Variants in FHAD1 observed in about 807,000 individuals in gnomAD.
FHAD1 encodes forkhead-associated domain-containing protein 1.
In FHAD1, 146 loss-of-function variants were observed where a neutral mutation model predicts 191.3. That is an observed-to-expected ratio of 0.76 (90% confidence interval 0.67 to 0.88). FHAD1 has a LOEUF of 0.88. Ranked by LOEUF, FHAD1 falls within the 40% of genes least tolerant of loss-of-function variation. The pLI is 0.00. For synonymous variants in FHAD1, 616 were observed against 672.3 expected (o/e 0.92, Z 1.29); for missense variants, 1,635 against 1,785.8 (o/e 0.92, Z 1.52).
At chr1:15,328,627 G>A in intron 13 of FHAD1, 198 bp downstream of exon 13, 1 of 446,316 alleles carries the variant, frequency 2.2e-6, no homozygotes, top group Non-Finnish European at 3.9e-6. Flanking sequence ...GGAGAACTTG[G>A]CGTGTCCAAA....
At position 15,276,749 on chromosome 1, in the gene FHAD1, C is replaced by T. The variant is rs1262989277; in HGVS notation, c.300+4220C>T. Among the ~76,000 whole-genome samples the T allele has an allele frequency of 2.0e-5, 3 of 151,418 alleles. No homozygotes were observed. Among genetic ancestry groups the T allele is most frequent in the Non-Finnish European group, 2.9e-5 (2 of 67,934 alleles). On this transcript the variant is annotated intron_variant, in intron 3 of 33. Coordinates refer to ENST00000688493, the MANE Select transcript of FHAD1 (RefSeq NM_001391957.1). The surrounding 1 kb of genome is among the most constrained non-coding windows in gnomAD (Gnocchi z 4.7). ...CCCGGGAGGCAGAGGTTGCAATGAG[C>T]GAAGATCATGCCACAGCCTGGGCAA...
intron 2 of FHAD1, among the ~76,000 whole-genome samples, chr1:15,260,843 T>C (rs1030602235): frequency 1.3e-5 from 2 of 152,238 alleles, no homozygotes; most frequent in African/African-American, 4.8e-5. Context: ...AACCTCCCTG[T>C]TTCAAGATGA....
chr1:15,373,934 TG>T (rs2102878288), intron 26 of FHAD1, among the ~76,000 whole-genome samples: 1 of 152,326 alleles, frequency 6.6e-6, no homozygotes, highest in East Asian at 1.9e-4. Flanking sequence ...ATGGTCCATC[TG>T]GGTCTAGTGG....
rs1465404357 is a variant in FHAD1, at chr1:15,309,193, G to A, written c.1039+457G>A. On this transcript the variant is annotated intron_variant, in intron 7 of 33. Coordinates refer to ENST00000688493, the MANE Select transcript of FHAD1 (RefSeq NM_001391957.1). Reference sequence around the variant, plus strand: ...GGAGCGAAAGCATTTTGCTAATTGAGAGGTAGCTGGATACTCAAGAACTTG... The same window carrying A: ...GGAGCGAAAGCATTTTGCTAATTGAAAGGTAGCTGGATACTCAAGAACTTG... 2.0e-5 allele frequency among the ~76,000 whole-genome samples: 3 copies of A among 152,238 alleles called. No homozygotes were observed. The East Asian group carries it at 5.8e-4, about 29-fold the overall frequency.
chr1:15,383,716 A>C (rs1701445486), intron 31 of FHAD1: 1 of 303,452 alleles, frequency 3.3e-6, no homozygotes, highest in Admixed American at 4.2e-5. Context: ...TCTCCAGGCC[A>C]GGGACTGGGC....
At position 15,380,807 on chromosome 1, in the gene FHAD1, C is replaced by T. The variant is rs907824376; in HGVS notation, c.3801+11C>T. The T allele has an allele frequency of 6.5e-7, 1 of 1,546,728 alleles. No homozygotes were observed. The highest frequency in any genetic ancestry group is 8.7e-7 in the Non-Finnish European group (1 of 1,142,958). ...CTCAGTGAAAAGCTGGTATGTACAT[C>T]CAGCATCCACCCTGCTCCTATCCAA... On this transcript the variant is annotated intron_variant, in intron 29 of 33. Transcript: ENST00000688493.
intron 4 of FHAD1, among the ~76,000 whole-genome samples, chr1:15,293,697 G>T (rs572320694): frequency 1.3e-5 from 2 of 152,024 alleles, no homozygotes; most frequent in Admixed American, 1.3e-4. Flanking sequence ...CAGCCTGGGC[G>T]GACAGAGCAA....
chr1:15,294,158 A>G (rs913695823), intron 4 of FHAD1, among the ~76,000 whole-genome samples: 1 of 152,224 alleles, frequency 6.6e-6, no homozygotes, highest in African/African-American at 2.4e-5. Flanking sequence ...CCAGGCCTCC[A>G]GGTTGGCTCT....
At chr1:15,351,107 G>A (rs1260806523) in intron 19 of FHAD1, among the ~76,000 whole-genome samples, 3 of 152,226 alleles carry the variant, frequency 2.0e-5, no homozygotes, top group African/African-American at 7.2e-5. Flanking sequence ...CACTTTGGGA[G>A]GCCAAGGCAG....
chr1:15,341,867 G>A lies in FHAD1; in HGVS notation c.2109G>A (p.Arg703=). 1 of 1,551,582 alleles carries A rather than the reference G, an allele frequency of 6.4e-7. No individual in the cohort carries two copies. The highest frequency in any genetic ancestry group is 8.7e-7 in the Non-Finnish European group (1 of 1,146,914). Residue 703 remains arginine (R), a synonymous_variant, in exon 16 of 34, where the codon AGG becomes AGA. Coordinates refer to ENST00000688493, the MANE Select transcript of FHAD1 (RefSeq NM_001391957.1). ...AGGAGAAGCTCAAAGCCAAAATCAG[G>A]CAACTGACGGAAGAGAAGGCGGTAA... is the stretch of plus-strand genomic sequence containing the variant. ...EQEEKLKAKI[R]QLTEEKAALE...
At position 15,327,336 on chromosome 1, in the gene FHAD1, TC is replaced by T. The variant is rs1416181810; in HGVS notation, c.1557+197del. ...TTTTAAAGTAAAAGCCAGTTAAAAC[TC>T]CCTTGAAATGTGTCTGTGAAAATCA... On this transcript the variant is annotated intron_variant, in intron 12 of 33. Coordinates refer to ENST00000688493, the MANE Select transcript of FHAD1 (RefSeq NM_001391957.1). The surrounding 1 kb of genome is among the most constrained non-coding windows in gnomAD (Gnocchi z 5.1). 2 of 541,548 alleles carry T rather than the reference TC, an allele frequency of 3.7e-6. No homozygotes were observed. The highest frequency in any genetic ancestry group is 6.6e-6 in the Non-Finnish European group (2 of 303,386). 33.5% of individuals were successfully genotyped at this position (541,548 alleles called of 1,614,324 possible).
At chr1:15,332,890 G>A (rs1247153322) in intron 14 of FHAD1, among the ~76,000 whole-genome samples, 1 of 152,130 alleles carries the variant, frequency 6.6e-6, no homozygotes, top group Admixed American at 6.5e-5. Flanking sequence ...TCCCTCCCTT[G>A]TTAACACGCA....
chr1:15,333,253 A>G (rs1682472725), intron 14 of FHAD1, among the ~76,000 whole-genome samples: 2 of 152,174 alleles, frequency 1.3e-5, no homozygotes, highest in African/African-American at 4.8e-5. Context: ...CGTATGCCCC[A>G]TATTCTCTAC....
chr1:15,345,562 G>A (rs576789783), intron 18 of FHAD1, 39 bp downstream of exon 18: 1 of 1,474,032 alleles, frequency 6.8e-7, no homozygotes, highest in East Asian at 2.5e-5. Flanking sequence ...GCCCCAGTCG[G>A]CTTGAGGGCC....
intron 6 of FHAD1, among the ~76,000 whole-genome samples, chr1:15,304,423 T>C (rs1047269982): frequency 6.6e-6 from 1 of 152,258 alleles, no homozygotes; most frequent in Non-Finnish European, 1.5e-5. Context: ...CACAGTCTGA[T>C]ATCCTAAAGC....
At chr1:15,286,840 G>A (rs773426757) in intron 3 of FHAD1, among the ~76,000 whole-genome samples, 1 of 152,214 alleles carries the variant, frequency 6.6e-6, no homozygotes, top group African/African-American at 2.4e-5. Flanking sequence ...TAGCACCTGT[G>A]CAGTTAGTTG....
intron 33 of FHAD1, among the ~76,000 whole-genome samples, chr1:15,391,688 G>A: frequency 6.6e-6 from 1 of 152,196 alleles, no homozygotes. Flanking sequence ...TTTGATAAAA[G>A]GCCACAGTTA....
At position 15,345,513 on chromosome 1, in the gene FHAD1, G is replaced by A. The variant is rs757162850; in HGVS notation, c.2336G>A (p.Arg779His). ...RVQELEERLARQKEVLESSIA... is the reference protein window; with the variant it reads ...RVQELEERLAHQKEVLESSIA... ...CAAGAGCTGGAGGAACGCTTGGCCC[G>A]CCAGAAGGAGGTACGCTCGGGGAGA... is the stretch of plus-strand genomic sequence containing the variant. The change falls in exon 18 of 34, where the codon CGC (arginine) becomes CAC (histidine). Residue 779 changes from arginine (R) to histidine (H), a missense_variant. Physicochemically the swap from Arg to His is conservative, Grantham distance 29. Transcript: ENST00000688493. 34 of 1,551,632 alleles carry A rather than the reference G, an allele frequency of 2.2e-5. No individual in the cohort carries two copies. The highest frequency in any genetic ancestry group is 1.7e-4 in the Middle Eastern group (1 of 6,018).
At chr1:15,309,266 G>A (rs566603462) in intron 7 of FHAD1, among the ~76,000 whole-genome samples, 3 of 152,320 alleles carry the variant, frequency 2.0e-5, no homozygotes, top group African/African-American at 7.2e-5. Context: ...GCCAGGCACA[G>A]CTGTTTCTTA....
Sources: allele counts gnomAD v4.1 joint callset (sites outside exome capture counted in the v4.1 genomes callset), GRCh38; gene constraint gnomAD v4.1.1; non-coding constraint Gnocchi (gnomAD v3.1); transcripts MANE v1.5; gene names NCBI Gene and HGNC (gene_info 2026-07-23, HGNC 2026-07-21).